Variants in MGAT4C observed in about 807,000 individuals in gnomAD.
The protein encoded by MGAT4C is alpha-1,3-mannosyl-glycoprotein 4-beta-N-acetylglucosaminyltransferase C.
In MGAT4C, 19 loss-of-function variants were observed where a neutral mutation model predicts 40.1. The ratio of observed to expected loss-of-function variants is 0.47; its 90% CI spans 0.33 to 0.70. MGAT4C has a LOEUF of 0.70. MGAT4C is among the 30% of genes least tolerant of loss of function. MGAT4C has a pLI of 0.02. For synonymous variants in MGAT4C, 181 were observed against 187.1 expected (o/e 0.97, Z 0.27); for missense variants, 491 against 563.2 (o/e 0.87, Z 1.30).
chr12:86,706,254 AAGACAGGGAATTT>A (rs1950455546), intron 2 of MGAT4C, among the ~76,000 whole-genome samples: 1 of 152,184 alleles, frequency 6.6e-6, no homozygotes, highest in African/African-American at 2.4e-5. Flanking sequence ...ATTTTATTGC[AAGACAGGGAATTT>A]GAGGGAGAGA....
At chr12:86,258,118 T>A (rs1208563036), upstream of MGAT4C, among the ~76,000 whole-genome samples, 3 of 152,096 alleles carry the variant, frequency 2.0e-5, no homozygotes, top group African/African-American at 7.2e-5. Context: ...GCCCTCAAAA[T>A]AATGATATAA....
At chr12:86,086,036 C>G (rs1871761175) in intron 1 of MGAT4C, among the ~76,000 whole-genome samples, 1 of 152,068 alleles carries the variant, frequency 6.6e-6, no homozygotes, top group Non-Finnish European at 1.5e-5. Context: ...AATTCCATTA[C>G]TGGGTATATA....
intron 4 of MGAT4C, among the ~76,000 whole-genome samples, chr12:86,295,362 C>T (rs560816224): frequency 1.3e-5 from 2 of 152,158 alleles, no homozygotes; most frequent in South Asian, 2.1e-4. Flanking sequence ...AGAAAGAAGC[C>T]GCAGACCCTC....
chr12:86,669,356 CCAG>C (rs772314611), intron 2 of MGAT4C, among the ~76,000 whole-genome samples: 8 of 152,156 alleles, frequency 5.3e-5, no homozygotes, highest in Non-Finnish European at 1.2e-4. Context: ...AGTCATATCT[CCAG>C]GCATTCAGAG....
chr12:86,356,788 T>C (rs970914131), intron 3 of MGAT4C, among the ~76,000 whole-genome samples: 6 of 151,808 alleles, frequency 4.0e-5, no homozygotes, highest in Admixed American at 3.9e-4. Context: ...GGGTTGGCCA[T>C]TGCTGAGGAT....
intron 2 of MGAT4C, among the ~76,000 whole-genome samples, chr12:86,560,554 T>C (rs1959812872): frequency 6.6e-6 from 1 of 152,132 alleles, no homozygotes; most frequent in African/African-American, 2.4e-5. Flanking sequence ...ACCATCTCAA[T>C]AGATGTAGAC....
intron 1 of MGAT4C, among the ~76,000 whole-genome samples, chr12:86,119,449 A>T (rs547214525): frequency 4.3e-4 from 65 of 151,984 alleles, no homozygotes; most frequent in African/African-American, 1.5e-3. Flanking sequence ...TTCTTGAAAC[A>T]GAGTCTTGCT....
intron 2 of MGAT4C, among the ~76,000 whole-genome samples, chr12:86,567,817 A>G (rs1441108167): frequency 1.3e-5 from 2 of 152,206 alleles, no homozygotes; most frequent in East Asian, 3.8e-4. Flanking sequence ...ATGTTTGTGC[A>G]TGTACACACT....
intron 1 of MGAT4C, among the ~76,000 whole-genome samples, chr12:86,251,556 T>C (rs1326937419): frequency 3.9e-5 from 6 of 152,052 alleles, no homozygotes; most frequent in African/African-American, 1.4e-4. Flanking sequence ...TCTTCTGTAC[T>C]TCAAATGGAG....
chr12:85,991,174 G>T (rs1344502342), intron 2 of MGAT4C, among the ~76,000 whole-genome samples: 1 of 152,134 alleles, frequency 6.6e-6, no homozygotes, highest in Admixed American at 6.5e-5. Context: ...TAGCAGAGAG[G>T]TTAGCTCCTC....
chr12:86,277,796 A>C (rs1953113415), intron 4 of MGAT4C, among the ~76,000 whole-genome samples: 1 of 152,088 alleles, frequency 6.6e-6, no homozygotes, highest in African/African-American at 2.4e-5. Flanking sequence ...TGGTTACTAT[A>C]GTTATTTAGT....
intron 2 of MGAT4C, among the ~76,000 whole-genome samples, chr12:86,704,602 C>G (rs1458312009): frequency 6.6e-6 from 1 of 151,944 alleles, no homozygotes; most frequent in East Asian, 1.9e-4. Flanking sequence ...CTTGAAGCAC[C>G]TATTATTTAC....
intron 2 of MGAT4C, among the ~76,000 whole-genome samples, chr12:85,994,406 C>A (rs1400815352): frequency 2.6e-5 from 4 of 152,264 alleles, no homozygotes; most frequent in East Asian, 3.9e-4. Flanking sequence ...CATTTACACC[C>A]ATTGTCAGCA....
intron 3 of MGAT4C, among the ~76,000 whole-genome samples, chr12:86,370,682 A>T (rs1173875854): frequency 6.6e-6 from 1 of 152,078 alleles, no homozygotes. Context: ...TCACACAATA[A>T]AGTAGCTCTA....
intron 3 of MGAT4C, among the ~76,000 whole-genome samples, chr12:86,338,958 CAA>C (rs67462771): frequency 0.016 from 1,031 of 66,060 alleles, 2 homozygotes; most frequent in African/African-American, 0.05. Context: ...GACTCCATCT[CAA>C]AAAAAAAAAA....
intron 1 of MGAT4C, among the ~76,000 whole-genome samples, chr12:86,732,176 A>G (rs1424436001): frequency 6.6e-6 from 1 of 152,138 alleles, no homozygotes; most frequent in Non-Finnish European, 1.5e-5. Context: ...TCTGCTTGTC[A>G]CTTTCATTTT....
intron 1 of MGAT4C, among the ~76,000 whole-genome samples, chr12:86,118,859 T>A (rs1488313359): frequency 6.6e-6 from 1 of 152,196 alleles, no homozygotes; most frequent in Non-Finnish European, 1.5e-5. Flanking sequence ...AATTATGTTA[T>A]ATGCATCTGG....
intron 1 of MGAT4C, among the ~76,000 whole-genome samples, chr12:86,779,710 G>A (rs1226655555): frequency 6.6e-6 from 1 of 152,140 alleles, no homozygotes; most frequent in Non-Finnish European, 1.5e-5. Context: ...TCAGGAGATG[G>A]AGACCATCCT....
chr12:86,156,151 T>C (rs1267457377), intron 1 of MGAT4C, among the ~76,000 whole-genome samples: 2 of 152,172 alleles, frequency 1.3e-5, no homozygotes, highest in Non-Finnish European at 2.9e-5. Flanking sequence ...AGTTTCAATA[T>C]CTTGCTATTA....
Sources: gnomAD v4.1 joint callset for allele counts (sites outside exome capture counted in the v4.1 genomes callset) on GRCh38, gnomAD v4.1.1 for gene constraint, MANE v1.5 for transcripts, NCBI Gene and HGNC (gene_info 2026-07-23, HGNC 2026-07-21) for gene names.